The following HLA-DPA1 variants were observed in gnomAD, a reference collection of about 807,000 sequenced individuals.
HLA-DPA1 encodes the protein HLA class II histocompatibility antigen, DP alpha 1 chain.
Under a neutral mutation model 21.5 loss-of-function variants are expected in HLA-DPA1, and 20 were observed. The observed-to-expected ratio is 0.93, with a 90% CI of 0.66 to 1.35. HLA-DPA1 has a LOEUF of 1.35. Among genes scored for constraint, HLA-DPA1 ranks in the 40% most tolerant of loss-of-function variants. The pLI is 0.00. For synonymous variants in HLA-DPA1, 123 were observed against 129.6 expected (o/e 0.95, Z 0.35); for missense variants, 279 against 323.0 (o/e 0.86, Z 1.05).
At chr6:33,078,806 G>A (rs1279956830) in intron 1 of HLA-DPA1, among the ~76,000 whole-genome samples, 3 of 152,216 alleles carry the variant, frequency 2.0e-5, no homozygotes, top group East Asian at 1.9e-4. Flanking sequence ...AATGAAAAAC[G>A]TTCTCTTACT....
intron 2 of HLA-DPA1, among the ~76,000 whole-genome samples, chr6:33,072,749 C>G (rs1398730977): frequency 2.6e-5 from 4 of 152,170 alleles, no homozygotes; most frequent in Non-Finnish European, 5.9e-5. Flanking sequence ...GAAAAAGGAG[C>G]ATTCACTACG....
In HLA-DPA1 at chr6:33,069,320, G is replaced by A; in HGVS notation, c.347-20C>T. 1 of 1,605,250 alleles carries A rather than the reference G, an allele frequency of 6.2e-7. No individual in the cohort carries two copies. The highest frequency in any genetic ancestry group is 8.5e-7 in the Non-Finnish European group (1 of 1,175,426). ...GGGGATCTGGAAGGAGACAGCACCA[G>A]GTTAGGCCCCTCTTCTGGGATGAAT... On this transcript the variant is annotated intron_variant, in intron 3 of 5. Coordinates refer to ENST00000419277, the Ensembl canonical transcript of HLA-DPA1.
intron 1 of HLA-DPA1, 64 bp from the exon 1 acceptor site, chr6:33,073,713 A>C (rs1762404439): frequency 3.2e-6 from 2 of 616,502 alleles, no homozygotes; most frequent in Middle Eastern, 2.8e-4. Flanking sequence ...GGATTCACCT[A>C]TCAGAGAAAT....
At chr6:33,079,350 CA>C (rs1313618837) in intron 1 of HLA-DPA1, 1 of 190,514 alleles carries the variant, frequency 5.2e-6, no homozygotes, top group East Asian at 1.7e-4. Context: ...GGAAGAACAG[CA>C]TGTGGGAAAG....
intron 5 of HLA-DPA1, 30 bp from the exon 5 acceptor site, chr6:33,065,377 C>T (rs1761908657): frequency 6.6e-6 from 1 of 152,392 alleles, no homozygotes; most frequent in Admixed American, 6.5e-5. Flanking sequence ...TATTGTCATT[C>T]CTGGGTTCAG....
At chr6:33,071,614 A>G (rs984365045) in intron 2 of HLA-DPA1, among the ~76,000 whole-genome samples, 7 of 152,230 alleles carry the variant, frequency 4.6e-5, no homozygotes, top group African/African-American at 1.7e-4. Flanking sequence ...TAAAAATAAT[A>G]CATACGTCCT....
chr6:33,070,880 G>A (rs889450899), intron 2 of HLA-DPA1, among the ~76,000 whole-genome samples: 1 of 152,146 alleles, frequency 6.6e-6, no homozygotes, highest in Non-Finnish European at 1.5e-5. Context: ...AATTATTGCT[G>A]AGTTTGGAAC....
chr6:33,073,603 C>A, exon 2 of HLA-DPA1: 1 of 1,516,776 alleles, frequency 6.6e-7, no homozygotes, highest in Non-Finnish European at 9.2e-7. Context: ...ACTGTGAGCA[C>A]AGGAACAGTG....
Position 33,069,728 on chromosome 6 carries a change from C to A in HLA-DPA1, c.259G>T (p.Ala87Ser), listed in dbSNP as rs143602878. 4.3e-6 allele frequency: 7 copies of A among 1,612,812 alleles called. No homozygotes were observed. In the African/African-American group the frequency reaches 9.3e-5, roughly 22 times the overall value. The change falls in exon 3 of 6, where the codon GCT becomes TCT. Residue 87 changes from alanine to serine, a missense_variant. Transcript: ENST00000419277. ...GCAATGTTAGCCAGCCCGCCCTGAG[C>A]CTCAAAGGAAAAGGCTTGGCCAAAC...
chr6:33,069,649 G>A, exon 3 of HLA-DPA1: 1 of 1,612,258 alleles, frequency 6.2e-7, no homozygotes, highest in Non-Finnish European at 8.5e-7. Flanking sequence ...ACCGTTGGTG[G>A]CCTGAGTGTG....
chr6:33,079,027 G>A (rs1257444464), intron 1 of HLA-DPA1, among the ~76,000 whole-genome samples: 1 of 152,162 alleles, frequency 6.6e-6, no homozygotes, highest in Non-Finnish European at 1.5e-5. Flanking sequence ...TCAAGACCTG[G>A]GATCTTGCCT....
chr6:33,068,875 A>G (rs752142772), intron 4 of HLA-DPA1, 71 bp from the exon 4 acceptor site: 23 of 1,570,396 alleles, frequency 1.5e-5, no homozygotes, highest in Non-Finnish European at 1.9e-5. Flanking sequence ...TGGTTGTGGG[A>G]ATTGAAGGTT....
chr6:33,065,717 C>T (rs72500559), intron 5 of HLA-DPA1: 1 of 151,724 alleles, frequency 6.6e-6, no homozygotes, highest in African/African-American at 2.4e-5. Flanking sequence ...CGGCAATGAA[C>T]GAAGGATACT....
intron 2 of HLA-DPA1, among the ~76,000 whole-genome samples, chr6:33,071,179 T>C (rs1047828925): frequency 6.6e-6 from 1 of 152,122 alleles, no homozygotes; most frequent in Non-Finnish European, 1.5e-5. Context: ...GCCACTGTAA[T>C]TGTAAGTGTC....
exon 4 of HLA-DPA1, chr6:33,069,083 T>C (rs756010042): frequency 6.2e-7 from 1 of 1,613,070 alleles, no homozygotes. Flanking sequence ...AGAAGTCCTC[T>C]GCTGAGGGCA....
At chr6:33,069,753 C>G (rs749351610) in exon 3 of HLA-DPA1, 11 of 1,612,578 alleles carry the variant, frequency 6.8e-6, no homozygotes, top group Non-Finnish European at 9.3e-6. Context: ...CTTGGCCAAA[C>G]TCCTCCAGAT....
chr6:33,069,365 AG>A (rs1762140494), intron 3 of HLA-DPA1, 65 bp from the exon 3 acceptor site: 35 of 1,483,966 alleles, frequency 2.4e-5, no homozygotes, highest in Non-Finnish European at 2.9e-5. Flanking sequence ...TCCACCTCTT[AG>A]GGGAGGGTGG....
chr6:33,068,083 G>A (rs2301225), intron 5 of HLA-DPA1: 15,779 of 152,250 alleles, frequency 0.1, 1,306 homozygotes, highest in Admixed American at 0.23. Flanking sequence ...ATCTCTGGAG[G>A]GGCATTTTTT....
intron 1 of HLA-DPA1, among the ~76,000 whole-genome samples, chr6:33,076,427 G>A (rs988412086): frequency 6.6e-6 from 1 of 152,190 alleles, no homozygotes; most frequent in Non-Finnish European, 1.5e-5. Flanking sequence ...ACCTTGGACA[G>A]ACAAGGTTTG....
Sources: gnomAD v4.1 joint callset for allele counts (sites outside exome capture counted in the v4.1 genomes callset) on GRCh38, gnomAD v4.1.1 for gene constraint, MANE v1.5 for transcripts, NCBI Gene and HGNC (gene_info 2026-07-23, HGNC 2026-07-21) for gene names.